MYO10: variants seen among roughly 807,000 people sequenced by gnomAD.
The protein encoded by MYO10 is myosin X.
In MYO10, 133 loss-of-function variants were observed where a neutral mutation model predicts 257.3. That is an observed-to-expected ratio of 0.52 (90% CI 0.45 to 0.60). The LOEUF (loss-of-function observed/expected upper bound fraction) is 0.60, where lower values mean the gene tolerates loss of function less well. Ranked by LOEUF, MYO10 falls within the 20% of genes least tolerant of loss-of-function variation. MYO10 has a pLI of 0.00. For synonymous variants in MYO10, 1,104 were observed against 1,028.6 expected (o/e 1.07, Z -1.40); for missense variants, 2,399 against 2,635.7 (o/e 0.91, Z 1.97).
intron 4 of MYO10, among the ~76,000 whole-genome samples, chr5:16,784,915 G>T (rs150585054): frequency 1.3e-5 from 2 of 152,152 alleles, no homozygotes; most frequent in Non-Finnish European, 2.9e-5. Flanking sequence ...CTCTGCTAGC[G>T]ACAGGCCTGG....
intron 3 of MYO10, among the ~76,000 whole-genome samples, chr5:16,808,349 C>T (rs1362373405): frequency 6.6e-6 from 1 of 152,044 alleles, no homozygotes; most frequent in Non-Finnish European, 1.5e-5. Context: ...GGCACGCACC[C>T]ATAGTCGCAG....
At chr5:16,667,144 T>C (rs565561322) in intron 40 of MYO10, among the ~76,000 whole-genome samples, 2 of 152,290 alleles carry the variant, frequency 1.3e-5, no homozygotes, top group Admixed American at 6.5e-5. Flanking sequence ...AAAATAAATG[T>C]GAAATGACAG....
chr5:16,695,947 T>C (rs1239533310), intron 26 of MYO10, among the ~76,000 whole-genome samples: 3 of 152,346 alleles, frequency 2.0e-5, no homozygotes, highest in South Asian at 2.1e-4. Flanking sequence ...TCCTAACATA[T>C]GGCAAACTTG....
chr5:16,817,557 A>G (rs185849864), intron 3 of MYO10, among the ~76,000 whole-genome samples: 17 of 152,280 alleles, frequency 1.1e-4, no homozygotes, highest in Admixed American at 3.3e-4. Context: ...CTTGAATGCA[A>G]GTTATCACCC....
intron 1 of MYO10, among the ~76,000 whole-genome samples, chr5:16,930,341 C>T (rs1746259372): frequency 6.6e-6 from 1 of 152,038 alleles, no homozygotes. Flanking sequence ...TGTAGGATCA[C>T]GTGCGAGAAA....
intron 6 of MYO10, among the ~76,000 whole-genome samples, chr5:16,781,080 T>A (rs1177909307): frequency 2.5e-5 from 2 of 79,814 alleles, no homozygotes; most frequent in Non-Finnish European, 5.7e-5. Context: ...TTTCACAGAA[T>A]TTTTTTTTTT....
intron 19 of MYO10, among the ~76,000 whole-genome samples, chr5:16,724,470 T>C (rs1739275082): frequency 6.6e-6 from 1 of 152,178 alleles, no homozygotes; most frequent in Admixed American, 6.5e-5. Flanking sequence ...CTGACACTAG[T>C]TCAAATATGA....
At chr5:16,750,778 C>A (rs1740356897) in intron 19 of MYO10, among the ~76,000 whole-genome samples, 1 of 152,180 alleles carries the variant, frequency 6.6e-6, no homozygotes, top group African/African-American at 2.4e-5. Flanking sequence ...AGGAGATCAC[C>A]TGAGGTCAAG....
intron 1 of MYO10, chr5:16,916,008 C>A (rs754589925): frequency 4.4e-6 from 2 of 454,282 alleles, no homozygotes; most frequent in South Asian, 3.1e-5. Flanking sequence ...TATCCTGAAT[C>A]TGAATTAACA....
chr5:16,915,112 G>A (rs1745778156), intron 1 of MYO10, among the ~76,000 whole-genome samples: 5 of 152,148 alleles, frequency 3.3e-5, no homozygotes, highest in Admixed American at 2.6e-4. Context: ...ATAGATGATC[G>A]CTAATGGCCA....
chr5:16,805,493 A>G (rs1208888514), intron 3 of MYO10, among the ~76,000 whole-genome samples: 1 of 151,814 alleles, frequency 6.6e-6, no homozygotes, highest in African/African-American at 2.4e-5. Flanking sequence ...AAAGAAAAAA[A>G]AGAAATCCTA....
At chr5:16,838,414 A>G (rs1302356458) in intron 2 of MYO10, among the ~76,000 whole-genome samples, 2 of 152,256 alleles carry the variant, frequency 1.3e-5, no homozygotes, top group East Asian at 1.9e-4. Flanking sequence ...CCCTTCAGCC[A>G]AAGCTTAATC....
intron 2 of MYO10, among the ~76,000 whole-genome samples, chr5:16,854,975 G>A (rs887588509): frequency 1.3e-5 from 2 of 152,078 alleles, no homozygotes; most frequent in Non-Finnish European, 2.9e-5. Context: ...GGAGGTTGCA[G>A]TGAGCCGAGA....
At chr5:16,783,673 C>T (rs1039023280) in intron 4 of MYO10, among the ~76,000 whole-genome samples, 1 of 152,168 alleles carries the variant, frequency 6.6e-6, no homozygotes, top group Non-Finnish European at 1.5e-5. Context: ...TGGCCTTACT[C>T]GCCTCTTTTG....
intron 34 of MYO10, among the ~76,000 whole-genome samples, chr5:16,675,391 CTG>C (rs1736678610): frequency 6.6e-6 from 1 of 152,146 alleles, no homozygotes; most frequent in Non-Finnish European, 1.5e-5. Flanking sequence ...AAAAGGTAAT[CTG>C]TTGCTGAACA....
At chr5:16,831,532 T>C (rs574952050) in intron 2 of MYO10, among the ~76,000 whole-genome samples, 1 of 150,908 alleles carries the variant, frequency 6.6e-6, no homozygotes, top group Admixed American at 6.6e-5. Context: ...AATGGAATAC[T>C]ACTCAGCCAT....
chr5:16,876,262 A>G (rs1744601512), intron 2 of MYO10, among the ~76,000 whole-genome samples: 1 of 152,204 alleles, frequency 6.6e-6, no homozygotes. Flanking sequence ...TTTCCTTAGT[A>G]AAATGGACGT....
rs1178796616 is a variant in MYO10, at chr5:16,818,410, GTATA to G, written c.121-247_121-244del. ...TGTGTGTGTGTGTGTGTGTGTGTGT[GTATA>G]TATATATATATACACATATCTTTGT... On this transcript the variant is annotated intron_variant, in intron 2 of 40. Transcript: ENST00000513610. Among the ~76,000 whole-genome samples the G allele has an allele frequency of 5.4e-4, 49 of 90,350 alleles. 1 individual carries two copies. In the East Asian group the frequency reaches 0.011, roughly 20 times the overall value. The allele number at this position is 90,350 out of a possible 152,430, so 59.3% of individuals were successfully genotyped here. A position where few individuals can be genotyped will look rare whatever the true frequency, so the allele number is the denominator to read the frequency against.
At chr5:16,674,499 T>C (rs976367665) in intron 35 of MYO10, among the ~76,000 whole-genome samples, 1 of 151,742 alleles carries the variant, frequency 6.6e-6, no homozygotes, top group Non-Finnish European at 1.5e-5. Context: ...CACTTCTTTT[T>C]CTATAGCTAA....
Sources: gnomAD v4.1 joint callset for allele counts (sites outside exome capture counted in the v4.1 genomes callset) on GRCh38, gnomAD v4.1.1 for gene constraint, MANE v1.5 for transcripts, NCBI Gene and HGNC (gene_info 2026-07-23, HGNC 2026-07-21) for gene names.